HIBCH: variants seen among roughly 807,000 people sequenced by gnomAD.
The protein encoded by HIBCH is 3-hydroxyisobutyryl-CoA hydrolase.
A neutral mutation model predicts 58.2 loss-of-function variants in HIBCH; 50 were observed. The ratio of observed to expected loss-of-function variants is 0.86; its 90% CI spans 0.68 to 1.09. HIBCH has a LOEUF of 1.09. Ranked by LOEUF, HIBCH falls within the 50% of genes least tolerant of loss-of-function variation. HIBCH has a pLI of 0.00. For missense variants in HIBCH, 450 were observed against 449.7 expected (o/e 1.00, Z -0.01); for synonymous variants, 151 against 146.9 (o/e 1.03, Z -0.20).
chr2:190,266,902 G>A (rs545480127), intron 6 of HIBCH, among the ~76,000 whole-genome samples: 4 of 151,350 alleles, frequency 2.6e-5, no homozygotes, highest in Non-Finnish European at 4.4e-5. Context: ...GACTTCAGGC[G>A]CCCACCACCA....
intron 2 of HIBCH, among the ~76,000 whole-genome samples, chr2:190,302,806 C>A (rs759902972): frequency 3.3e-5 from 5 of 152,102 alleles, no homozygotes; most frequent in Non-Finnish European, 7.4e-5. Context: ...CTGAATTACA[C>A]ATTATGACAT....
At chr2:190,272,171 C>T (rs1687417697) in intron 6 of HIBCH, among the ~76,000 whole-genome samples, 1 of 152,184 alleles carries the variant, frequency 6.6e-6, no homozygotes, top group South Asian at 2.1e-4. Context: ...AATGTATTTC[C>T]AGACTACCCC....
At chr2:190,250,758 AT>A (rs1435741369) in intron 8 of HIBCH, among the ~76,000 whole-genome samples, 1 of 152,194 alleles carries the variant, frequency 6.6e-6, no homozygotes, top group East Asian at 1.9e-4. Flanking sequence ...ACAATCTTCA[AT>A]TTTGTATGCT....
At chr2:190,212,170 A>G (rs938315956) in intron 12 of HIBCH, among the ~76,000 whole-genome samples, 5 of 152,258 alleles carry the variant, frequency 3.3e-5, no homozygotes, top group Non-Finnish European at 4.4e-5. Context: ...CCTGCACATA[A>G]TAAACAATAG....
rs1332075585 is a variant in HIBCH at position 190,247,063 on chromosome 2, A to C, written c.751-851T>G. ...GTGTTTCTCCTATTCTGTACTTATGAATTTAGCACTTTGGGTTAAAACACA... is the reference window on the plus strand; with the variant it reads ...GTGTTTCTCCTATTCTGTACTTATGCATTTAGCACTTTGGGTTAAAACACA... On this transcript the variant is annotated intron_variant, in intron 9 of 13. Coordinates refer to ENST00000359678, the MANE Select transcript of HIBCH (RefSeq NM_014362.4). 2.6e-5 allele frequency among the ~76,000 whole-genome samples: 4 copies of C among 151,678 alleles called. No homozygotes were observed. In the East Asian group the frequency reaches 7.7e-4, roughly 29 times the overall value.
intron 7 of HIBCH, among the ~76,000 whole-genome samples, chr2:190,253,049 C>T (rs746735804): frequency 5.9e-5 from 9 of 152,070 alleles, no homozygotes; most frequent in Non-Finnish European, 8.8e-5. Context: ...ATCAGCCGGG[C>T]ATGGTGGCGC....
chr2:190,256,183 G>T (rs1011701759), intron 7 of HIBCH, among the ~76,000 whole-genome samples: 2 of 152,210 alleles, frequency 1.3e-5, no homozygotes, highest in Non-Finnish European at 2.9e-5. Flanking sequence ...GGATTACGGG[G>T]ATTACAATTC....
At chr2:190,290,200 T>C (rs1394475971) in intron 5 of HIBCH, among the ~76,000 whole-genome samples, 1 of 152,122 alleles carries the variant, frequency 6.6e-6, no homozygotes, top group Non-Finnish European at 1.5e-5. Context: ...TTATAACAAA[T>C]AGCAGTTAAG....
rs897499823 is a variant in HIBCH, at chr2:190,304,423, C to G, written c.78+6331G>C. 1.3e-5 allele frequency among the ~76,000 whole-genome samples: 2 copies of G among 152,118 alleles called. No individual in the cohort carries two copies. The highest frequency in any genetic ancestry group is 4.8e-5 in the African/African-American group (2 of 41,422). On this transcript the variant is annotated intron_variant, in intron 2 of 13. Transcript: ENST00000359678. This position sits in a 1 kb window ranked among gnomAD's most constrained non-coding sequence, Gnocchi z 4.1. ...AAGCTAAGCATGCTAGCTCAGATCT[C>G]TCTTACTTGTCTTATAAAGCCACCA...
At chr2:190,193,189 A>AT (rs1044446377) in intron 1 of HIBCH, among the ~76,000 whole-genome samples, 180 of 151,622 alleles carry the variant, frequency 1.2e-3, no homozygotes, top group African/African-American at 3.8e-3. Context: ...TTTTATCAAA[A>AT]TTTTTTTTCT....
chr2:190,245,344 C>G (rs542757732), intron 10 of HIBCH: 1 of 206,422 alleles, frequency 4.8e-6, no homozygotes, highest in Non-Finnish European at 9.9e-6. Context: ...CACACAAAAC[C>G]TTTTTTGCTG....
chr2:190,243,847 G>A lies in HIBCH; in HGVS notation c.891+1040C>T, dbSNP rs566920026. 1.4e-4 allele frequency among the ~76,000 whole-genome samples: 22 copies of A among 152,228 alleles called. No homozygotes were observed. Among genetic ancestry groups the A allele is most frequent in the Middle Eastern group, 3.4e-3 (1 of 294 alleles). On this transcript the variant is annotated intron_variant, in intron 11 of 13. Transcript: ENST00000359678. The surrounding 1 kb of genome is among the most constrained non-coding windows in gnomAD (Gnocchi z 4.1). ...TAGCCACCCGTGGTGGCACACGCCCGTAGTCCCAGCTACTCAGGAGGCTGA... is the reference window on the plus strand; with the variant it reads ...TAGCCACCCGTGGTGGCACACGCCCATAGTCCCAGCTACTCAGGAGGCTGA...
rs1685591932 is a variant in HIBCH, at chr2:190,217,517, C to T, written c.892-4442G>A. On this transcript the variant is annotated intron_variant, in intron 11 of 13. Coordinates refer to ENST00000359678, the MANE Select transcript of HIBCH (RefSeq NM_014362.4). The surrounding 1 kb of genome is among the most constrained non-coding windows in gnomAD (Gnocchi z 4.6). ...AAACAGACTACTGGAAAAAGACCTCCTGGGTTAAGGCCATATTTAAGCAGG... is the reference window on the plus strand; with the variant it reads ...AAACAGACTACTGGAAAAAGACCTCTTGGGTTAAGGCCATATTTAAGCAGG... Among the ~76,000 whole-genome samples the T allele has an allele frequency of 6.6e-6, 1 of 152,056 alleles. No homozygotes were observed. The highest frequency in any genetic ancestry group is 1.5e-5 in the Non-Finnish European group (1 of 67,976).
intron 11 of HIBCH, among the ~76,000 whole-genome samples, chr2:190,219,764 A>T (rs1685664068): frequency 1.3e-5 from 2 of 152,178 alleles, no homozygotes. Context: ...TGTTAAAACC[A>T]TGCTGGGTGT....
intron 11 of HIBCH, among the ~76,000 whole-genome samples, chr2:190,227,016 T>C (rs997618094): frequency 1.1e-4 from 16 of 152,094 alleles, no homozygotes; most frequent in African/African-American, 3.9e-4. Context: ...AGGTAATTTA[T>C]AGATTCAATG....
At chr2:190,230,376 T>C (rs1474022934) in intron 11 of HIBCH, among the ~76,000 whole-genome samples, 1 of 152,202 alleles carries the variant, frequency 6.6e-6, no homozygotes, top group Non-Finnish European at 1.5e-5. Context: ...TTCCAATAAA[T>C]CTGACAACTT....
At chr2:190,311,250 A>G (rs1688551380) in intron 1 of HIBCH, among the ~76,000 whole-genome samples, 1 of 152,200 alleles carries the variant, frequency 6.6e-6, no homozygotes, top group Admixed American at 6.5e-5. Flanking sequence ...AAATCAGTAG[A>G]AAGATCAATG....
chr2:190,239,402 T>C (rs1447850126), intron 11 of HIBCH, among the ~76,000 whole-genome samples: 2 of 152,192 alleles, frequency 1.3e-5, no homozygotes, highest in African/African-American at 4.8e-5. Context: ...GGTAGCATGA[T>C]GCCTCCAACT....
In HIBCH at chr2:190,217,344, T is replaced by G. The variant is rs1685583992; in HGVS notation, c.892-4269A>C. The stretch of plus-strand genomic sequence containing the variant: ...ACTAAAACTACAAAAATCAGCTGGG[T>G]GTGGTGACACATGCCTGTAATCCCA... On this transcript the variant is annotated intron_variant, in intron 11 of 13. Transcript: ENST00000359678. The surrounding 1 kb of genome is among the most constrained non-coding windows in gnomAD (Gnocchi z 4.6). Among the ~76,000 whole-genome samples, 1 of 152,126 alleles carries G rather than the reference T, an allele frequency of 6.6e-6. No individual in the cohort carries two copies. The highest frequency in any genetic ancestry group is 1.9e-4 in the East Asian group (1 of 5,170).
Sources: allele counts gnomAD v4.1 joint callset (sites outside exome capture counted in the v4.1 genomes callset), GRCh38; gene constraint gnomAD v4.1.1; non-coding constraint Gnocchi (gnomAD v3.1); transcripts MANE v1.5; gene names NCBI Gene and HGNC (gene_info 2026-07-23, HGNC 2026-07-21).